The following TET2 variants were observed in gnomAD, a reference collection of about 807,000 sequenced individuals.
TET2 encodes the protein methylcytosine dioxygenase TET2.
A neutral mutation model predicts 142.9 loss-of-function variants in TET2; 299 were observed. The ratio of observed to expected loss-of-function variants is 2.09; its 90% CI spans 1.90 to 2.30. The LOEUF (loss-of-function observed/expected upper bound fraction) is 2.30, where lower values mean the gene tolerates loss of function less well. Among genes scored for constraint, TET2 ranks in the 30% most tolerant of loss-of-function variants. The pLI is 0.00. For missense variants in TET2, 2,418 were observed against 2,378.0 expected, an observed-to-expected ratio of 1.02 and a Z score of -0.35; for synonymous variants, 819 against 849.0, an observed-to-expected ratio of 0.96 and a Z score of 0.61.
chr4:105,244,757 G>A (rs536225652), intron 6 of TET2, among the ~76,000 whole-genome samples: 24 of 151,512 alleles, frequency 1.6e-4, no homozygotes, highest in Non-Finnish European at 2.9e-4. Flanking sequence ...CACCACACCC[G>A]GCTAATTTTG....
chr4:105,195,155 C>T (rs1726009693), intron 2 of TET2, among the ~76,000 whole-genome samples: 1 of 152,128 alleles, frequency 6.6e-6, no homozygotes, highest in Non-Finnish European at 1.5e-5. Context: ...AAGTCATTTT[C>T]ACTATTCTTG....
intron 9 of TET2, 40 bp from the exon 10 acceptor site, chr4:105,272,524 G>C: frequency 8.9e-6 from 12 of 1,354,228 alleles, no homozygotes; most frequent in Non-Finnish European, 1.2e-5. Context: ...TTTTCTTTGG[G>C]ACCTGTAGTT....
Position 105,234,709 on chromosome 4 carries a change from C to T in TET2, c.767C>T (p.Ala256Val), listed in dbSNP as rs765462988. 5.0e-6 allele frequency: 8 copies of T among 1,614,012 alleles called. No homozygotes were observed. Among genetic ancestry groups the T allele is most frequent in the Non-Finnish European group, 6.8e-6 (8 of 1,180,008 alleles). ...TSHINAINSQ[A>V]TNELSCEITH... ...CACATAAATGCCATTAACAGTCAGGCTACTAATGAGTTGTCCTGTGAGATC... is the reference window on the plus strand; with the variant it reads ...CACATAAATGCCATTAACAGTCAGGTTACTAATGAGTTGTCCTGTGAGATC... The change falls in exon 3 of 11, where the codon GCT becomes GTT. Residue 256 changes from alanine to valine, a missense_variant. Coordinates refer to ENST00000380013, the MANE Select transcript of TET2 (RefSeq NM_001127208.3).
At chr4:105,251,744 C>T (rs1729880360) in intron 6 of TET2, among the ~76,000 whole-genome samples, 1 of 152,098 alleles carries the variant, frequency 6.6e-6, no homozygotes, top group Non-Finnish European at 1.5e-5. Flanking sequence ...TCACAAAATG[C>T]ATTGGGAAAT....
At position 105,233,957 on chromosome 4, in the gene TET2, A is replaced by G. The variant is rs200508474; in HGVS notation, c.15A>G (p.Arg5=). The change falls in exon 3 of 11, where the codon AGA becomes AGG. Residue 5 remains arginine (R), a synonymous_variant. Transcript: ENST00000380013. MEQD[R]TNHVEGNRLS... is the part of the protein sequence containing the mutation. ...AAGCAAGCCTGATGGAACAGGATAGAACCAACCATGTTGAGGGCAACAGAC... is the reference window on the plus strand; with the variant it reads ...AAGCAAGCCTGATGGAACAGGATAGGACCAACCATGTTGAGGGCAACAGAC... 315 of 1,613,798 alleles carry G rather than the reference A, an allele frequency of 2.0e-4. No homozygotes were observed. The highest frequency in any genetic ancestry group is 2.6e-4 in the Non-Finnish European group (303 of 1,179,952).
chr4:105,239,073 T>G (rs1024310935), intron 3 of TET2: 1 of 145,752 alleles, frequency 6.9e-6, no homozygotes, highest in Non-Finnish European at 1.3e-5. Context: ...TTTTGTTTTT[T>G]GTTTTTTTTT....
intron 6 of TET2, among the ~76,000 whole-genome samples, chr4:105,245,901 T>C (rs1729561872): frequency 6.6e-6 from 1 of 152,188 alleles, no homozygotes. Flanking sequence ...AATAGTCCTA[T>C]TGCAAAATGT....
In TET2 at chr4:105,233,833, TATAGATAG is replaced by T. The variant is rs58201766; in HGVS notation, c.-46-46_-46-39del. ...ATTCCTTAAGATATATTAGTATTTT[TATAGATAG>T]ATAGATAGATAGATAGAAATAAACA... On this transcript the variant is annotated intron_variant, in intron 2 of 10. Coordinates refer to ENST00000380013, the MANE Select transcript of TET2 (RefSeq NM_001127208.3). 0.47 allele frequency: 373,906 copies of T among 794,828 alleles called. 91,904 individuals carry two copies. Among genetic ancestry groups the T allele is most frequent in the Non-Finnish European group, 0.52 (272,730 of 521,450 alleles). 49.2% of individuals were successfully genotyped at this position (794,828 alleles called of 1,614,324 possible).
chr4:105,164,210 T>C (rs967749379), intron 1 of TET2, among the ~76,000 whole-genome samples: 2 of 152,208 alleles, frequency 1.3e-5, no homozygotes, highest in Non-Finnish European at 2.9e-5. Context: ...ACCCAGCCCA[T>C]GGCAACCACC....
Position 105,243,772 on chromosome 4 carries a change from A to G in TET2, c.3797A>G (p.Asn1266Ser), listed in dbSNP as rs760496274. Residue 1266 changes from asparagine to serine, a missense_variant, in exon 6 of 11, where the codon AAT (asparagine) becomes AGT (serine). Coordinates refer to ENST00000380013, the MANE Select transcript of TET2 (RefSeq NM_001127208.3). ...GTLTNRRCAL[N>S]EERTCACQGL... is the part of the protein sequence containing the mutation. Reference sequence around the variant, plus strand: ...CTCACCAATCGCCGGTGTGCCTTGAATGAAGAGTAAGTGAAGCCCAGGGCC... The same window carrying G: ...CTCACCAATCGCCGGTGTGCCTTGAGTGAAGAGTAAGTGAAGCCCAGGGCC... The G allele has an allele frequency of 1.3e-6, 2 of 1,551,418 alleles. No individual in the cohort carries two copies. The highest frequency in any genetic ancestry group is 8.7e-7 in the Non-Finnish European group (1 of 1,146,804).
chr4:105,233,956 G>C lies in TET2; in HGVS notation c.14G>C (p.Arg5Thr), dbSNP rs568091851. The C allele has an allele frequency of 1.9e-6, 3 of 1,613,856 alleles. No individual in the cohort carries two copies. Among genetic ancestry groups the C allele is most frequent in the East Asian group, 4.5e-5 (2 of 44,854 alleles). The change falls in exon 3 of 11, where the codon AGA becomes ACA. Residue 5 changes from arginine (R) to threonine (T), a missense_variant. Transcript: ENST00000380013. MEQD[R>T]TNHVEGNRLS... ...GAAGCAAGCCTGATGGAACAGGATA[G>C]AACCAACCATGTTGAGGGCAACAGA...
At chr4:105,232,167 T>C (rs930607901) in intron 2 of TET2, among the ~76,000 whole-genome samples, 1 of 152,188 alleles carries the variant, frequency 6.6e-6, no homozygotes, top group African/African-American at 2.4e-5. Flanking sequence ...GGCCTCCAGC[T>C]CCATCCATGT....
rs1156917398 is a variant in TET2 at position 105,276,434 on chromosome 4, C to T, written c.5924C>T (p.Thr1975Ile). The T allele has an allele frequency of 6.4e-7, 1 of 1,551,762 alleles. No individual in the cohort carries two copies. Among genetic ancestry groups the T allele is most frequent in the Non-Finnish European group, 8.7e-7 (1 of 1,147,028 alleles). Residue 1975 changes from threonine (T) to isoleucine (I), a missense_variant, in exon 11 of 11, where the codon ACC (threonine) becomes ATC (isoleucine). Coordinates refer to ENST00000380013, the MANE Select transcript of TET2 (RefSeq NM_001127208.3). ...LRFIKSLAER[T>I]MSVTTDSTVT... The stretch of plus-strand genomic sequence containing the variant: ...TTCATCAAGTCTCTTGCCGAAAGGA[C>T]CATGTCCGTGACCACAGACTCCACA...
At chr4:105,250,639 T>C (rs541876893) in intron 6 of TET2, among the ~76,000 whole-genome samples, 1 of 152,238 alleles carries the variant, frequency 6.6e-6, no homozygotes, top group African/African-American at 2.4e-5. Context: ...TATTTTTCCA[T>C]TTATTCTTAA....
At chr4:105,221,644 T>C (rs537050950) in intron 2 of TET2, among the ~76,000 whole-genome samples, 309 of 152,250 alleles carry the variant, frequency 2.0e-3, no homozygotes, top group Non-Finnish European at 3.8e-3. Flanking sequence ...TTTTCAGAAA[T>C]GGAGGAACTT....
chr4:105,161,305 T>G (rs1215697810), intron 1 of TET2, among the ~76,000 whole-genome samples: 1 of 152,220 alleles, frequency 6.6e-6, no homozygotes, highest in African/African-American at 2.4e-5. Context: ...ATTACTTCTT[T>G]AGTGTTTATT....
chr4:105,148,145 A>G (rs1723129466), intron 1 of TET2, among the ~76,000 whole-genome samples: 1 of 152,038 alleles, frequency 6.6e-6, no homozygotes, highest in African/African-American at 2.4e-5. Context: ...TTAAGCTAAT[A>G]GGGTTTGTAT....
intron 2 of TET2, among the ~76,000 whole-genome samples, chr4:105,230,783 C>G (rs1384385760): frequency 6.6e-6 from 1 of 152,060 alleles, no homozygotes; most frequent in East Asian, 1.9e-4. Context: ...GCAAACTTTC[C>G]CATCTTTTAT....
At chr4:105,166,653 C>G (rs1032728337) in intron 1 of TET2, among the ~76,000 whole-genome samples, 1 of 151,406 alleles carries the variant, frequency 6.6e-6, no homozygotes, top group Non-Finnish European at 1.5e-5. Flanking sequence ...AAATATTGTG[C>G]TGAGTCTTTA....
Sources: gnomAD v4.1 joint callset for allele counts (sites outside exome capture counted in the v4.1 genomes callset) on GRCh38, gnomAD v4.1.1 for gene constraint, MANE v1.5 for transcripts, NCBI Gene and HGNC (gene_info 2026-07-23, HGNC 2026-07-21) for gene names.